TTC23: variants seen among roughly 807,000 people sequenced by gnomAD.
TTC23 encodes the protein tetratricopeptide repeat protein 23.
In TTC23, 58 loss-of-function variants were observed where a neutral mutation model predicts 55.1. The ratio of observed to expected loss-of-function variants is 1.05; its 90% CI spans 0.85 to 1.31. The LOEUF (loss-of-function observed/expected upper bound fraction) is 1.31. Ranked by LOEUF, TTC23 falls within the 50% of genes most tolerant of loss-of-function variation. The probability of loss-of-function intolerance (pLI) is 0.00; values close to 1 mark genes in which losing one functional copy is unlikely to be tolerated. For synonymous variants in TTC23, 203 were observed against 199.9 expected, an observed-to-expected ratio of 1.02 and a Z score of -0.13; for missense variants, 516 against 534.4, an observed-to-expected ratio of 0.97 and a Z score of 0.34.
intron 5 of TTC23, among the ~76,000 whole-genome samples, chr15:99,227,267 G>A (rs574851708): frequency 3.9e-5 from 6 of 152,180 alleles, no homozygotes; most frequent in Non-Finnish European, 8.8e-5. Flanking sequence ...GACCTTGGGT[G>A]GTGGGAATTC....
chr15:99,204,592 T>C (rs764488235), intron 8 of TTC23, among the ~76,000 whole-genome samples: 1 of 149,644 alleles, frequency 6.7e-6, no homozygotes, highest in Non-Finnish European at 1.5e-5. Flanking sequence ...TTCTCAATAT[T>C]TTCTTCCAGT....
chr15:99,220,472 CTT>C (rs1469168569), intron 6 of TTC23, among the ~76,000 whole-genome samples: 2 of 152,164 alleles, frequency 1.3e-5, no homozygotes, highest in African/African-American at 4.8e-5. Flanking sequence ...AGATCAGCTA[CTT>C]ATTAACAGTG....
intron 8 of TTC23, among the ~76,000 whole-genome samples, chr15:99,204,304 T>C (rs1422692231): frequency 6.6e-6 from 1 of 152,200 alleles, no homozygotes; most frequent in Non-Finnish European, 1.5e-5. Context: ...GAAATGTCTA[T>C]TCAGATCTTC....
intron 8 of TTC23, among the ~76,000 whole-genome samples, chr15:99,213,266 T>A (rs1179106281): frequency 6.6e-6 from 1 of 152,152 alleles, no homozygotes; most frequent in Non-Finnish European, 1.5e-5. Flanking sequence ...AGAATTAGGA[T>A]GAAAAGAAGT....
chr15:99,232,297 G>A (rs754576432), intron 4 of TTC23, among the ~76,000 whole-genome samples: 35 of 151,502 alleles, frequency 2.3e-4, no homozygotes, highest in Non-Finnish European at 4.3e-4. Context: ...GGCTAACATG[G>A]TGAAACCCCA....
Position 99,175,051 on chromosome 15 carries a change from A to G in TTC23, c.864T>C (p.His288=), listed in dbSNP as rs2073382991. 1 of 1,613,832 alleles carries G rather than the reference A, an allele frequency of 6.2e-7. No individual in the cohort carries two copies. The highest frequency in any genetic ancestry group is 1.1e-5 in the South Asian group (1 of 91,072). The change falls in exon 10 of 14, where the codon CAT becomes CAC. Residue 288 remains histidine, a splice_region_variant and synonymous_variant. Transcript: ENST00000394132. ...GGAAGAGAAAAGGATTCTTCTCACC[A>G]TGGTGCTCGTGTCTCCCTGAAGCGA... ...AAVASGRHEH[H]DVAEQYFQES...
At chr15:99,148,576 A>C (rs1555495247) in intron 12 of TTC23, 1 of 152,050 alleles carries the variant, frequency 6.6e-6, no homozygotes, top group Non-Finnish European at 1.5e-5. Context: ...AACCCTGCTG[A>C]AGATAGTACC....
chr15:99,178,991 C>T (rs745920591), intron 9 of TTC23, among the ~76,000 whole-genome samples: 2 of 152,150 alleles, frequency 1.3e-5, no homozygotes, highest in Non-Finnish European at 2.9e-5. Context: ...GATGCTCTGT[C>T]TCCATGTCTT....
intron 8 of TTC23, among the ~76,000 whole-genome samples, chr15:99,210,327 T>C (rs929769441): frequency 2.0e-5 from 3 of 152,322 alleles, no homozygotes; most frequent in East Asian, 3.9e-4. Context: ...CTGTGCCATG[T>C]GGTTTTTCTT....
chr15:99,150,530 T>G (rs954910261), intron 12 of TTC23, among the ~76,000 whole-genome samples: 1 of 152,234 alleles, frequency 6.6e-6, no homozygotes, highest in African/African-American at 2.4e-5. Flanking sequence ...TCCACAAATT[T>G]CTTCTGATGA....
chr15:99,221,767 A>T lies in TTC23; in HGVS notation c.278T>A (p.Leu93Gln). 6.2e-7 allele frequency: 1 copy of T among 1,614,172 alleles called. No homozygotes were observed. Among genetic ancestry groups the T allele is most frequent in the Non-Finnish European group, 8.5e-7 (1 of 1,179,998 alleles). ...HWKLAEAHVN[L>Q]AQGYLQLKGL... ...TTTCAGCTGGAGGTAGCCTTGAGCC[A>T]GATTAACATGTGCCTCTGCTAGTTT... Residue 93 changes from leucine (L) to glutamine (Q), a missense_variant, in exon 6 of 14, where the codon CTG becomes CAG. Physicochemically the swap from Leu to Gln is moderately radical, Grantham distance 113. Transcript: ENST00000394132.
chr15:99,166,028 C>A (rs1400441888), intron 10 of TTC23, among the ~76,000 whole-genome samples: 2 of 152,300 alleles, frequency 1.3e-5, no homozygotes, highest in East Asian at 3.9e-4. Context: ...TAACGATGGG[C>A]CCTTATTGTG....
intron 12 of TTC23, 25 bp downstream of exon 12, chr15:99,156,123 G>A (rs200643598): frequency 3.2e-5 from 52 of 1,614,014 alleles, no homozygotes; most frequent in South Asian, 1.6e-4. Flanking sequence ...GCCTAGTCTC[G>A]TGTTAGTACT....
At chr15:99,228,183 T>C (rs975120754) in intron 5 of TTC23, among the ~76,000 whole-genome samples, 2 of 152,194 alleles carry the variant, frequency 1.3e-5, no homozygotes, top group African/African-American at 2.4e-5. Flanking sequence ...AGTAAAACTT[T>C]TGAGGAAAGA....
At chr15:99,210,316 C>G (rs1226627514) in intron 8 of TTC23, among the ~76,000 whole-genome samples, 1 of 152,016 alleles carries the variant, frequency 6.6e-6, no homozygotes, top group African/African-American at 2.4e-5. Context: ...ATGAGAGTAA[C>G]CTGTGCCATG....
intron 11 of TTC23, 126 bp from the exon 12 acceptor site, chr15:99,156,423 T>TA (rs1173867709): frequency 4.5e-6 from 5 of 1,100,766 alleles, no homozygotes; most frequent in Non-Finnish European, 6.5e-6. Flanking sequence ...CCTCTTGTAT[T>TA]AGTCCATTCT....
intron 1 of TTC23, among the ~76,000 whole-genome samples, chr15:99,248,573 T>C (rs1016665889): frequency 1.3e-5 from 2 of 152,230 alleles, no homozygotes; most frequent in African/African-American, 4.8e-5. Context: ...CTTCTCTGAA[T>C]AATTCATCTC....
At chr15:99,190,287 T>C (rs2075130973) in intron 9 of TTC23, among the ~76,000 whole-genome samples, 1 of 151,516 alleles carries the variant, frequency 6.6e-6, no homozygotes, top group Non-Finnish European at 1.5e-5. Flanking sequence ...TTTGTTTTTT[T>C]TTTTAGATGG....
rs1250882409 is a variant in TTC23 at position 99,161,754 on chromosome 15, T to G, written c.979A>C (p.Thr327Pro). ...AACTCACTTACCTCTTTTTGTCCAG[T>G]CATTTGTAGAAAATGGCAAAATTCA... Reference protein sequence around the residue: ...QDEFCHFLQMTGQKERATSIL... With the variant: ...QDEFCHFLQMPGQKERATSIL... Residue 327 changes from threonine to proline, a missense_variant, in exon 11 of 14, where the codon ACT becomes CCT. By Grantham distance (38) the Thr-to-Pro change is conservative (BLOSUM62 -1). Transcript: ENST00000394132. 1 of 1,612,044 alleles carries G rather than the reference T, an allele frequency of 6.2e-7. No homozygotes were observed. Among genetic ancestry groups the G allele is most frequent in the African/African-American group, 1.3e-5 (1 of 74,936 alleles).
Sources: allele counts gnomAD v4.1 joint callset (sites outside exome capture counted in the v4.1 genomes callset), GRCh38; gene constraint gnomAD v4.1.1; transcripts MANE v1.5; gene names NCBI Gene and HGNC (gene_info 2026-07-23, HGNC 2026-07-21).